Variants in ARHGAP21 observed in about 807,000 individuals in gnomAD.
ARHGAP21 encodes the protein Rho GTPase activating protein 21.
A neutral mutation model predicts 164.6 loss-of-function variants in ARHGAP21; 38 were observed. The ratio of observed to expected loss-of-function variants is 0.23; its 90% CI spans 0.18 to 0.30. The LOEUF is 0.30. ARHGAP21 is among the 10% of genes least tolerant of loss of function. ARHGAP21 has a pLI of 1.00. For synonymous variants in ARHGAP21, 766 were observed against 857.9 expected, an observed-to-expected ratio of 0.89 and a Z score of 1.87; for missense variants, 1,822 against 2,370.7, an observed-to-expected ratio of 0.77 and a Z score of 4.81.
chr10:24,652,806 A>G (rs1289234034), intron 4 of ARHGAP21, among the ~76,000 whole-genome samples: 1 of 152,164 alleles, frequency 6.6e-6, no homozygotes, highest in Non-Finnish European at 1.5e-5. Flanking sequence ...ACTCTCATAC[A>G]CTGTTGCTGA....
At chr10:24,606,894 A>G (rs1347580745) in intron 11 of ARHGAP21, among the ~76,000 whole-genome samples, 3 of 152,184 alleles carry the variant, frequency 2.0e-5, no homozygotes, top group Admixed American at 1.3e-4. Context: ...TGATGTAAGA[A>G]TCCTGTTTTC....
At chr10:24,719,253 A>T (rs1232289371) in intron 2 of ARHGAP21, among the ~76,000 whole-genome samples, 1 of 152,218 alleles carries the variant, frequency 6.6e-6, no homozygotes, top group Non-Finnish European at 1.5e-5. Flanking sequence ...GTATAATGCC[A>T]AGACATATTC....
chr10:24,681,624 T>C (rs1387316463), intron 2 of ARHGAP21, among the ~76,000 whole-genome samples: 1 of 152,032 alleles, frequency 6.6e-6, no homozygotes, highest in African/African-American at 2.4e-5. Context: ...CCATGGACTC[T>C]TGGAAAGCAT....
intron 2 of ARHGAP21, among the ~76,000 whole-genome samples, chr10:24,705,081 C>T (rs1844106173): frequency 6.6e-6 from 1 of 152,144 alleles, no homozygotes; most frequent in Non-Finnish European, 1.5e-5. Flanking sequence ...AAATTAAATT[C>T]CTTTGGGATT....
intron 9 of ARHGAP21, among the ~76,000 whole-genome samples, chr10:24,617,876 C>T (rs1834131795): frequency 6.9e-6 from 1 of 144,294 alleles, no homozygotes; most frequent in Non-Finnish European, 1.6e-5. Context: ...CATGGGACAC[C>T]AGGGGGACTA....
chr10:24,592,737 A>G (rs2076391536), intron 21 of ARHGAP21, among the ~76,000 whole-genome samples: 1 of 150,818 alleles, frequency 6.6e-6, no homozygotes. Flanking sequence ...TCCTGTTTGA[A>G]GAAAAAAAGA....
intron 6 of ARHGAP21, among the ~76,000 whole-genome samples, chr10:24,631,938 A>G (rs150509193): frequency 4.5e-4 from 68 of 152,130 alleles, no homozygotes; most frequent in Non-Finnish European, 8.7e-4. Context: ...CCAGGCTGGT[A>G]TCAAACTCCT....
chr10:24,627,778 AATC>A (rs1349272077), intron 7 of ARHGAP21, among the ~76,000 whole-genome samples: 5 of 152,342 alleles, frequency 3.3e-5, no homozygotes, highest in African/African-American at 1.2e-4. Flanking sequence ...TTTTTCCATT[AATC>A]ATATCATTAC....
At chr10:24,705,229 AG>A (rs1844118021) in intron 2 of ARHGAP21, among the ~76,000 whole-genome samples, 1 of 152,208 alleles carries the variant, frequency 6.6e-6, no homozygotes, top group African/African-American at 2.4e-5. Flanking sequence ...CAGCTTCGTT[AG>A]GCTCCTGGTA....
At chr10:24,592,100 GA>G in intron 21 of ARHGAP21, 88 bp from the exon 22 acceptor site, 1 of 1,051,146 alleles carries the variant, frequency 9.5e-7, no homozygotes, top group Non-Finnish European at 1.2e-6. Flanking sequence ...TGATGAAAAA[GA>G]ATAAACAGAA....
intron 11 of ARHGAP21, chr10:24,605,830 C>T (rs2077000861): frequency 6.6e-6 from 1 of 152,000 alleles, no homozygotes; most frequent in Non-Finnish European, 1.5e-5. Context: ...TCTGAAAAAA[C>T]ATAAAATAAT....
chr10:24,591,416 T>A, intron 23 of ARHGAP21, 86 bp from the exon 24 acceptor site: 1 of 1,272,244 alleles, frequency 7.9e-7, no homozygotes, highest in Non-Finnish European at 1.1e-6. Flanking sequence ...AAAGACACAT[T>A]ACTAAGTAAA....
At position 24,633,442 on chromosome 10, in the gene ARHGAP21, C is replaced by T. The variant is rs1294576746; in HGVS notation, c.400G>A (p.Gly134Ser). ...IIKVNGESVI[G>S]KTYSQVIALI... is the part of the protein sequence containing the mutation. ...GCAATTACTTGGGAATAGGTTTTGCCAATAACACTTTCTCCATTGACTTTT... is the reference window on the plus strand; with the variant it reads ...GCAATTACTTGGGAATAGGTTTTGCTAATAACACTTTCTCCATTGACTTTT... Residue 134 changes from glycine to serine, a missense_variant, in exon 6 of 26, where the codon GGC becomes AGC. By Grantham distance (56) the Gly-to-Ser change is moderately conservative (BLOSUM62 0). Around this residue, in one of 5 missense-constraint regions of ARHGAP21, gnomAD observed 1,090 missense variants for 1,378.9 expected, o/e 0.79. Coordinates refer to ENST00000396432, the MANE Select transcript of ARHGAP21 (RefSeq NM_020824.4). The T allele has an allele frequency of 1.9e-6, 3 of 1,610,972 alleles. No homozygotes were observed. Among genetic ancestry groups the T allele is most frequent in the Non-Finnish European group, 2.5e-6 (3 of 1,178,608 alleles).
At chr10:24,661,033 T>G (rs945469355) in intron 4 of ARHGAP21, among the ~76,000 whole-genome samples, 5 of 152,060 alleles carry the variant, frequency 3.3e-5, no homozygotes, top group African/African-American at 4.8e-5. Context: ...AAAGACTCAC[T>G]GAAGCTGGCT....
intron 23 of ARHGAP21, 85 bp from the exon 24 acceptor site, chr10:24,591,415 T>C (rs1266233704): frequency 3.1e-6 from 4 of 1,277,814 alleles, no homozygotes; most frequent in African/African-American, 1.5e-5. Context: ...AAAAGACACA[T>C]TACTAAGTAA....
At chr10:24,717,840 T>C (rs1845538915) in intron 2 of ARHGAP21, among the ~76,000 whole-genome samples, 1 of 134,054 alleles carries the variant, frequency 7.5e-6, no homozygotes, top group Admixed American at 7.6e-5. Context: ...AGGATTCTCA[T>C]ACCTCAGCCT....
intron 4 of ARHGAP21, among the ~76,000 whole-genome samples, chr10:24,641,146 T>C (rs1370662974): frequency 6.6e-6 from 1 of 152,204 alleles, no homozygotes; most frequent in East Asian, 1.9e-4. Context: ...ATTTTGGGAA[T>C]ATGGTTTACT....
intron 2 of ARHGAP21, among the ~76,000 whole-genome samples, chr10:24,710,625 G>T (rs1844688796): frequency 6.6e-6 from 1 of 152,122 alleles, no homozygotes; most frequent in Admixed American, 6.5e-5. Flanking sequence ...CACTCAGAAG[G>T]TGCTCAATAA....
At chr10:24,595,565 C>G (rs989704796) in intron 19 of ARHGAP21, 152 bp downstream of exon 19, 30 of 729,728 alleles carry the variant, frequency 4.1e-5, no homozygotes, top group Admixed American at 1.9e-4. Context: ...ACCTAAATAA[C>G]TTTTATGTTT....
Sources: gnomAD v4.1 joint callset for allele counts (sites outside exome capture counted in the v4.1 genomes callset) on GRCh38, gnomAD v4.1.1 for gene constraint, gnomAD v4.1.1 regional missense constraint, MANE v1.5 for transcripts, NCBI Gene and HGNC (gene_info 2026-07-23, HGNC 2026-07-21) for gene names.